The following TG variants were observed in gnomAD, a reference collection of about 807,000 sequenced individuals.
TG encodes thyroglobulin.
A neutral mutation model predicts 324.7 loss-of-function variants in TG; 270 were observed. The ratio of observed to expected loss-of-function variants is 0.83; its 90% CI spans 0.75 to 0.92. The LOEUF is 0.92. Ranked by LOEUF, TG falls within the 40% of genes least tolerant of loss-of-function variation. The probability of loss-of-function intolerance (pLI) is 0.00; values close to 1 mark genes in which losing one functional copy is unlikely to be tolerated. For missense variants in TG, 3,591 were observed against 3,456.4 expected, an observed-to-expected ratio of 1.04 and a Z score of -0.98; for synonymous variants, 1,401 against 1,327.0, an observed-to-expected ratio of 1.06 and a Z score of -1.21.
chr8:132,971,485 C>T (rs1285523346), intron 32 of TG, among the ~76,000 whole-genome samples: 1 of 152,162 alleles, frequency 6.6e-6, no homozygotes, highest in African/African-American at 2.4e-5. Context: ...AGAGTACATT[C>T]TGGATCCTGG....
chr8:133,020,019 G>A (rs1473488456), intron 39 of TG, among the ~76,000 whole-genome samples: 2 of 152,150 alleles, frequency 1.3e-5, no homozygotes, highest in African/African-American at 4.8e-5. Flanking sequence ...AACTCTAGGA[G>A]GATAGATAGA....
intron 35 of TG, among the ~76,000 whole-genome samples, chr8:133,000,872 A>G (rs185885648): frequency 6.6e-6 from 1 of 152,246 alleles, no homozygotes; most frequent in Admixed American, 6.5e-5. Flanking sequence ...AGTACCACGA[A>G]CTGGGTAGCT....
intron 9 of TG, 147 bp downstream of exon 9, chr8:132,887,695 C>A: frequency 8.8e-7 from 1 of 1,134,546 alleles, no homozygotes; most frequent in Non-Finnish European, 1.3e-6. Flanking sequence ...AAAAATTATC[C>A]AGGAATGCCT....
Position 133,029,808 on chromosome 8 carries a change from C to T in TG, c.7037-13C>T, listed in dbSNP as rs766435778. On this transcript the variant is annotated splice_polypyrimidine_tract_variant and intron_variant, in intron 40 of 47. Coordinates refer to ENST00000220616, the MANE Select transcript of TG (RefSeq NM_003235.5). ...AAGTCACAAAGGATAAAAGGCTTTC[C>T]TCTTTTCTGAAGGGTCCGGAGAGGT... 32 of 1,613,934 alleles carry T rather than the reference C, an allele frequency of 2.0e-5. No homozygotes were observed. Among genetic ancestry groups the T allele is most frequent in the Non-Finnish European group, 2.5e-5 (30 of 1,179,910 alleles).
At position 132,974,835 on chromosome 8, in the gene TG, T is replaced by C. The variant is rs190758838; in HGVS notation, c.6199+2094T>C. Among the ~76,000 whole-genome samples, 33 of 152,342 alleles carry C rather than the reference T, an allele frequency of 2.2e-4. No individual in the cohort carries two copies. The East Asian group carries it at 6.0e-3, about 28-fold the overall frequency. The stretch of plus-strand genomic sequence containing the variant: ...GTATCTGGTGCTCGGCCCTTGCTCA[T>C]GAGCCTACCCATTCCCTGTGTGTGC... On this transcript the variant is annotated intron_variant, in intron 34 of 47. Transcript: ENST00000220616.
At chr8:132,968,957 C>T (rs1829051818) in intron 31 of TG, among the ~76,000 whole-genome samples, 1 of 152,166 alleles carries the variant, frequency 6.6e-6, no homozygotes, top group Non-Finnish European at 1.5e-5. Flanking sequence ...CTTCTGTCGT[C>T]CTGAGAGAAC....
At chr8:132,941,693 C>T in intron 26 of TG, 151 bp downstream of exon 26, 1 of 822,394 alleles carries the variant, frequency 1.2e-6, no homozygotes, top group East Asian at 2.7e-5. Flanking sequence ...ACAATACACA[C>T]ATGATACTCA....
intron 43 of TG, among the ~76,000 whole-genome samples, chr8:133,097,341 A>C (rs1442704580): frequency 2.0e-5 from 3 of 152,258 alleles, no homozygotes; most frequent in Non-Finnish European, 4.4e-5. Context: ...TATATACAAG[A>C]GTATTTATTG....
intron 21 of TG, among the ~76,000 whole-genome samples, chr8:132,923,072 A>G (rs1372350317): frequency 6.6e-6 from 1 of 152,200 alleles, no homozygotes. Context: ...AGCAAATGGT[A>G]TCAGAGAGAT....
At chr8:132,870,667 G>A (rs552322471) in intron 3 of TG, among the ~76,000 whole-genome samples, 1 of 152,142 alleles carries the variant, frequency 6.6e-6, no homozygotes, top group African/African-American at 2.4e-5. Flanking sequence ...AGGCTGTGCC[G>A]AAGCATGCCA....
chr8:133,006,409 C>T (rs1464843348), intron 35 of TG, among the ~76,000 whole-genome samples: 1 of 152,250 alleles, frequency 6.6e-6, no homozygotes, highest in East Asian at 1.9e-4. Flanking sequence ...GAATTCTTGT[C>T]ACATTTCTCA....
intron 35 of TG, among the ~76,000 whole-genome samples, chr8:132,985,759 T>C (rs1382681192): frequency 6.6e-6 from 1 of 152,128 alleles, no homozygotes; most frequent in Non-Finnish European, 1.5e-5. Flanking sequence ...CTTCCTTCTG[T>C]AGGCACTGGG....
chr8:133,102,577 G>A (rs1439835951), intron 43 of TG: 1 of 1,551,372 alleles, frequency 6.4e-7, no homozygotes, highest in Non-Finnish European at 8.7e-7. Context: ...GGCTGCCTGA[G>A]ATGTTCTCCA....
chr8:133,075,770 A>C (rs530640153), intron 41 of TG, among the ~76,000 whole-genome samples: 1 of 152,248 alleles, frequency 6.6e-6, no homozygotes, highest in African/African-American at 2.4e-5. Context: ...AACCTAATAC[A>C]TCTACATCTA....
At chr8:132,965,266 T>C (rs2687815) in intron 29 of TG, among the ~76,000 whole-genome samples, 114,957 of 152,122 alleles carry the variant, frequency 0.76, 43,799 homozygotes, top group African/African-American at 0.84. Flanking sequence ...GCTGGGATGG[T>C]GACATGGTCT....
chr8:133,035,536 G>A (rs1837022771), intron 41 of TG, among the ~76,000 whole-genome samples: 1 of 152,022 alleles, frequency 6.6e-6, no homozygotes, highest in African/African-American at 2.4e-5. Flanking sequence ...TCTGAGATTT[G>A]TATATTAAAA....
chr8:133,062,084 C>T (rs745707940), intron 41 of TG, among the ~76,000 whole-genome samples: 9 of 152,320 alleles, frequency 5.9e-5, no homozygotes, highest in East Asian at 3.9e-4. Context: ...TTGGCTAGAA[C>T]GGGCAGCATG....
intron 35 of TG, among the ~76,000 whole-genome samples, chr8:132,995,771 T>C (rs1832818819): frequency 6.6e-6 from 1 of 152,204 alleles, no homozygotes; most frequent in Admixed American, 6.5e-5. Context: ...TTGCTCGTAA[T>C]GAACTTAGTA....
chr8:132,942,686 C>T (rs1824624756), intron 26 of TG, among the ~76,000 whole-genome samples: 1 of 152,192 alleles, frequency 6.6e-6, no homozygotes, highest in Non-Finnish European at 1.5e-5. Flanking sequence ...GTTTGGAGCA[C>T]TACTCGGCAT....
Sources: gnomAD v4.1 joint callset for allele counts (sites outside exome capture counted in the v4.1 genomes callset) on GRCh38, gnomAD v4.1.1 for gene constraint, MANE v1.5 for transcripts, NCBI Gene and HGNC (gene_info 2026-07-23, HGNC 2026-07-21) for gene names.